Variants in ARHGEF7 observed in about 807,000 individuals in gnomAD.
ARHGEF7 encodes the protein Rho guanine nucleotide exchange factor 7.
In ARHGEF7, 33 loss-of-function variants were observed where a neutral mutation model predicts 109.8. The observed-to-expected ratio is 0.30, with a 90% CI of 0.23 to 0.40. The LOEUF (loss-of-function observed/expected upper bound fraction) is 0.40. Ranked by LOEUF, ARHGEF7 falls within the 10% of genes least tolerant of loss-of-function variation. ARHGEF7 has a pLI of 1.00. For synonymous variants in ARHGEF7, 458 were observed against 424.6 expected, an observed-to-expected ratio of 1.08 and a Z score of -0.97; for missense variants, 938 against 1,098.5, an observed-to-expected ratio of 0.85 and a Z score of 2.07.
chr13:111,163,854 G>A (rs2076928865), intron 2 of ARHGEF7, among the ~76,000 whole-genome samples: 2 of 152,096 alleles, frequency 1.3e-5, no homozygotes, highest in Non-Finnish European at 2.9e-5. Flanking sequence ...TTTTAATAAT[G>A]CATTCTATTT....
intron 2 of ARHGEF7, among the ~76,000 whole-genome samples, chr13:111,168,885 TGAG>T (rs2077348863): frequency 6.6e-6 from 1 of 152,200 alleles, no homozygotes; most frequent in African/African-American, 2.4e-5. Flanking sequence ...TTGGATGACA[TGAG>T]GAGGGTAGGT....
At chr13:111,210,752 G>C (rs1346625080) in intron 4 of ARHGEF7, among the ~76,000 whole-genome samples, 1 of 152,146 alleles carries the variant, frequency 6.6e-6, no homozygotes, top group East Asian at 1.9e-4. Context: ...TTGGCTGCTG[G>C]GGATACCACT....
intron 1 of ARHGEF7, among the ~76,000 whole-genome samples, chr13:111,130,312 C>T (rs973277051): frequency 6.6e-6 from 1 of 152,146 alleles, no homozygotes; most frequent in African/African-American, 2.4e-5. Flanking sequence ...TATCAAAGTG[C>T]ACAGTTTACA....
intron 5 of ARHGEF7, among the ~76,000 whole-genome samples, chr13:111,229,931 T>C (rs2085806256): frequency 6.6e-6 from 1 of 152,056 alleles, no homozygotes; most frequent in South Asian, 2.1e-4. Context: ...CATAGAAGCT[T>C]CCAGACATCT....
chr13:111,161,354 A>G (rs955616259), intron 2 of ARHGEF7, among the ~76,000 whole-genome samples: 9 of 152,110 alleles, frequency 5.9e-5, no homozygotes, highest in African/African-American at 2.2e-4. Context: ...GGGGGACGGT[A>G]TAGGGGGAGG....
intron 19 of ARHGEF7, chr13:111,295,190 C>G: frequency 1.0e-6 from 1 of 985,744 alleles, no homozygotes; most frequent in African/African-American, 1.7e-5. Flanking sequence ...TTTGCATTTG[C>G]TAGCCCGTGG....
At chr13:111,182,111 G>A (rs929715009) in intron 2 of ARHGEF7, 7 of 152,156 alleles carry the variant, frequency 4.6e-5, no homozygotes, top group African/African-American at 1.7e-4. Flanking sequence ...CACAAGAATT[G>A]GAGACCAGGA....
intron 6 of ARHGEF7, chr13:111,241,098 TTGAC>T: frequency 6.7e-7 from 1 of 1,487,944 alleles, no homozygotes; most frequent in Non-Finnish European, 8.9e-7. Context: ...GCACCAGTGT[TTGAC>T]TGCACTTGCC....
At chr13:111,154,110 G>C in intron 2 of ARHGEF7, 119 bp downstream of exon 2, 1 of 1,060,408 alleles carries the variant, frequency 9.4e-7, no homozygotes, top group Non-Finnish European at 1.3e-6. Flanking sequence ...GACCCTCCCC[G>C]GCTGCTCGAG....
intron 2 of ARHGEF7, among the ~76,000 whole-genome samples, chr13:111,168,247 G>A (rs1409270156): frequency 3.5e-5 from 5 of 143,402 alleles, no homozygotes; most frequent in African/African-American, 1.3e-4. Context: ...CTCCCGCTTG[G>A]TCTCATCTAC....
chr13:111,244,574 C>T (rs2088434455), intron 8 of ARHGEF7, among the ~76,000 whole-genome samples: 1 of 152,158 alleles, frequency 6.6e-6, no homozygotes, highest in African/African-American at 2.4e-5. Flanking sequence ...GGAGAATGGC[C>T]TGACACCAGG....
intron 8 of ARHGEF7, among the ~76,000 whole-genome samples, chr13:111,262,254 T>G (rs2091171784): frequency 6.6e-6 from 1 of 152,202 alleles, no homozygotes; most frequent in Admixed American, 6.5e-5. Flanking sequence ...TTGTTTCTGA[T>G]TTTAAAACTG....
intron 21 of ARHGEF7, among the ~76,000 whole-genome samples, 191 bp from the exon 22 acceptor site, chr13:111,302,800 G>A (rs936216496): frequency 2.6e-5 from 4 of 152,200 alleles, no homozygotes; most frequent in Admixed American, 2.6e-4. Flanking sequence ...CAGCAGCACA[G>A]TCAGGAGCAC....
At chr13:111,153,549 G>C in intron 1 of ARHGEF7, 1 of 926,246 alleles carries the variant, frequency 1.1e-6, no homozygotes, top group Non-Finnish European at 1.3e-6. Context: ...GTGGCAGCTC[G>C]CCGGCAAAGC....
intron 8 of ARHGEF7, among the ~76,000 whole-genome samples, chr13:111,264,983 G>C (rs2091466854): frequency 6.6e-6 from 1 of 152,030 alleles, no homozygotes. Flanking sequence ...GCCCAGCTGG[G>C]CATGGTGGTG....
intron 2 of ARHGEF7, among the ~76,000 whole-genome samples, chr13:111,177,533 T>TCC (rs1438435199): frequency 1.3e-5 from 2 of 152,188 alleles, no homozygotes; most frequent in Non-Finnish European, 2.9e-5. Context: ...GAGAATGTGT[T>TCC]CTCAGTATCC....
chr13:111,233,275 CA>C lies in ARHGEF7; in HGVS notation c.745del (p.Ser249AlafsTer11). 6.2e-7 allele frequency: 1 copy of C among 1,613,874 alleles called. No homozygotes were observed. ...PKGFDTTAIN[K>X]SYYNVVLQNI... ...AAGGATTTGATACGACTGCCATAAA[CA>C]AAAGCTATTACAATGTGGTGAGTAA... On this transcript the variant is annotated frameshift_variant, in exon 6 of 22. Coordinates refer to ENST00000646102, the MANE Select transcript of ARHGEF7 (RefSeq NM_001354046.2). LOFTEE classifies it high-confidence loss of function.
chr13:111,130,128 A>T (rs2074662647), intron 1 of ARHGEF7, among the ~76,000 whole-genome samples: 1 of 152,218 alleles, frequency 6.6e-6, no homozygotes, highest in South Asian at 2.1e-4. Flanking sequence ...TTAATGTATG[A>T]TTCCATTTAT....
intron 18 of ARHGEF7, among the ~76,000 whole-genome samples, chr13:111,289,245 G>C (rs144897025): frequency 1.3e-5 from 2 of 152,324 alleles, no homozygotes; most frequent in African/African-American, 4.8e-5. Flanking sequence ...TTTGGGCCAG[G>C]CTGGTCTTGA....
Sources: gnomAD v4.1 joint callset for allele counts (sites outside exome capture counted in the v4.1 genomes callset) on GRCh38, gnomAD v4.1.1 for gene constraint, MANE v1.5 for transcripts, NCBI Gene and HGNC (gene_info 2026-07-23, HGNC 2026-07-21) for gene names.